The following GOLGA1 variants were observed in gnomAD, a reference collection of about 807,000 sequenced individuals.
GOLGA1 encodes golgin subfamily A member 1.
In GOLGA1, 63 loss-of-function variants were observed where a neutral mutation model predicts 119.7. The ratio of observed to expected loss-of-function variants is 0.53; its 90% confidence interval spans 0.43 to 0.65. The LOEUF (loss-of-function observed/expected upper bound fraction) is 0.65, where lower values mean the gene tolerates loss of function less well. Ranked by LOEUF, GOLGA1 falls within the 30% of genes least tolerant of loss-of-function variation. The pLI is 0.00. For missense variants in GOLGA1, 798 were observed against 912.8 expected, an observed-to-expected ratio of 0.87 and a Z score of 1.62; for synonymous variants, 318 against 333.4, an observed-to-expected ratio of 0.95 and a Z score of 0.50.
intron 3 of GOLGA1, among the ~76,000 whole-genome samples, chr9:124,935,188 G>A (rs1830840514): frequency 6.6e-6 from 1 of 152,168 alleles, no homozygotes; most frequent in African/African-American, 2.4e-5. Context: ...GAAGTGTTTT[G>A]GAGTTTGGAT....
At chr9:124,911,723 A>T (rs1482771759) in intron 11 of GOLGA1, among the ~76,000 whole-genome samples, 178 bp downstream of exon 11, 1 of 152,224 alleles carries the variant, frequency 6.6e-6, no homozygotes, top group African/African-American at 2.4e-5. Flanking sequence ...AAAGCATGTC[A>T]CCCACAGGGG....
upstream of GOLGA1, chr9:124,941,182 C>G (rs1162040369): frequency 3.3e-5 from 5 of 152,444 alleles, no homozygotes; most frequent in Non-Finnish European, 5.9e-5. Flanking sequence ...GCTACTGTTA[C>G]CACCTCTGAG....
At chr9:124,911,243 G>A (rs1830334692) in intron 11 of GOLGA1, among the ~76,000 whole-genome samples, 1 of 152,170 alleles carries the variant, frequency 6.6e-6, no homozygotes, top group African/African-American at 2.4e-5. Context: ...GGCTAGATTT[G>A]CTGGAAACCC....
In GOLGA1 at chr9:124,898,554, G is replaced by C. The variant is rs1219211221; in HGVS notation, c.1402C>G (p.Leu468Val). ...LQNHQFELKK[L>V]KEEWSQREIV... Reference sequence around the variant, plus strand: ...TGATTCAATTAGATAAATACCTTCAGCTTCTTTAGTTCAAATTGGTGATTT... The same window carrying C: ...TGATTCAATTAGATAAATACCTTCACCTTCTTTAGTTCAAATTGGTGATTT... Residue 468 changes from leucine to valine, a missense_variant, in exon 15 of 23, where the codon CTG (leucine) becomes GTG (valine). By Grantham distance (32) the Leu-to-Val change is conservative. Transcript: ENST00000373555. 7 of 1,543,860 alleles carry C rather than the reference G, an allele frequency of 4.5e-6. No individual in the cohort carries two copies. The African/African-American group carries it at 6.8e-5, about 15-fold the overall frequency.
chr9:124,900,205 G>A (rs1340724887), intron 13 of GOLGA1: 4 of 350,032 alleles, frequency 1.1e-5, no homozygotes, highest in African/African-American at 6.4e-5. Flanking sequence ...GGACCAGGCT[G>A]GACCAGAAGG....
At position 124,899,320 on chromosome 9, in the gene GOLGA1, T is replaced by C; in HGVS notation, c.1311+9A>G. On this transcript the variant is annotated intron_variant, in intron 14 of 22. Transcript: ENST00000373555. ...TCCTGGGCCCACCCTCTCTTAGCTC[T>C]TCACTCACCATCCCTTGCTCTGCGG... 6.5e-7 allele frequency: 1 copy of C among 1,542,774 alleles called. No individual in the cohort carries two copies. The highest frequency in any genetic ancestry group is 8.8e-7 in the Non-Finnish European group (1 of 1,141,904).
intron 15 of GOLGA1, 107 bp downstream of exon 15, chr9:124,898,442 C>T (rs1830024717): frequency 2.9e-6 from 2 of 683,404 alleles, no homozygotes; most frequent in Non-Finnish European, 5.1e-6. Context: ...TGAACAAATG[C>T]TAATTCTCCT....
intron 10 of GOLGA1, among the ~76,000 whole-genome samples, chr9:124,913,632 G>C (rs937271525): frequency 1.3e-5 from 2 of 152,156 alleles, no homozygotes; most frequent in African/African-American, 4.8e-5. Context: ...CTGAAGACTA[G>C]ATTTATGACC....
intron 3 of GOLGA1, among the ~76,000 whole-genome samples, chr9:124,937,924 A>G (rs1312533606): frequency 1.3e-5 from 2 of 151,446 alleles, no homozygotes; most frequent in African/African-American, 4.9e-5. Context: ...CTCTACTAAA[A>G]TACAAAAAAT....
chr9:124,905,650 T>C (rs1304522344), intron 12 of GOLGA1, among the ~76,000 whole-genome samples: 1 of 151,988 alleles, frequency 6.6e-6, no homozygotes, highest in Non-Finnish European at 1.5e-5. Flanking sequence ...GTGGGAAGAT[T>C]GGAAGGAGTA....
Position 124,888,429 on chromosome 9 carries a change from G to C in GOLGA1, c.1762-33C>G. ...GTGGCAGCAGCAAATTGAGAGCCAG[G>C]ACAGGTCAGGTGAAGCTGAGCCACA... On this transcript the variant is annotated intron_variant, in intron 18 of 22. Coordinates refer to ENST00000373555, the MANE Select transcript of GOLGA1 (RefSeq NM_002077.4). The surrounding 1 kb of genome is among the most constrained non-coding windows in gnomAD (Gnocchi z 4.4). 1 of 1,609,440 alleles carries C rather than the reference G, an allele frequency of 6.2e-7. No homozygotes were observed. The highest frequency in any genetic ancestry group is 1.3e-5 in the African/African-American group (1 of 74,910).
chr9:124,882,453 G>T, intron 20 of GOLGA1, 57 bp downstream of exon 20: 2 of 1,293,844 alleles, frequency 1.5e-6, no homozygotes, highest in Non-Finnish European at 2.2e-6. Context: ...GGAGGACCGG[G>T]CACAGGCAGC....
At chr9:124,937,000 A>T (rs1471663078) in intron 3 of GOLGA1, among the ~76,000 whole-genome samples, 1 of 152,210 alleles carries the variant, frequency 6.6e-6, no homozygotes, top group Non-Finnish European at 1.5e-5. Flanking sequence ...TGCTATCCTA[A>T]ATTGGGTAGA....
chr9:124,911,637 C>T (rs972434093), intron 11 of GOLGA1, among the ~76,000 whole-genome samples: 1 of 152,220 alleles, frequency 6.6e-6, no homozygotes, highest in African/African-American at 2.4e-5. Context: ...GCGGAAATCA[C>T]TAGGTGTGGT....
intron 15 of GOLGA1, among the ~76,000 whole-genome samples, chr9:124,898,026 G>C (rs1316852289): frequency 6.6e-6 from 1 of 152,176 alleles, no homozygotes; most frequent in Admixed American, 6.5e-5. Context: ...AATGAAAGAG[G>C]CATCCTCTGA....
chr9:124,912,740 C>T (rs929556184), intron 10 of GOLGA1, among the ~76,000 whole-genome samples: 3 of 152,156 alleles, frequency 2.0e-5, no homozygotes, highest in African/African-American at 7.2e-5. Flanking sequence ...GACGGGGTTT[C>T]ACCATATTGG....
chr9:124,890,541 G>C (rs1352400555), intron 15 of GOLGA1, 63 bp from the exon 16 acceptor site: 4 of 1,211,500 alleles, frequency 3.3e-6, no homozygotes, highest in Admixed American at 3.4e-5. Context: ...TGTATGCCAC[G>C]CAAGAAGCCC....
intron 11 of GOLGA1, among the ~76,000 whole-genome samples, chr9:124,910,770 G>C (rs1456598975): frequency 1.3e-5 from 2 of 152,108 alleles, no homozygotes; most frequent in Non-Finnish European, 2.9e-5. Context: ...TTTCATAGGA[G>C]CATGAACCCT....
rs1455366432 is a variant in GOLGA1 at position 124,879,495 on chromosome 9, C to T, written c.*1035G>A. ...AGGCAGACTGCCCCAGTGTCTCCAT[C>T]GAGGCTGGGGGACAGCTGCTGCCCC... On this transcript the variant is annotated 3_prime_UTR_variant, in exon 23 of 23. Coordinates refer to ENST00000373555, the MANE Select transcript of GOLGA1 (RefSeq NM_002077.4). 2.6e-5 allele frequency: 4 copies of T among 151,888 alleles called. No homozygotes were observed. Among genetic ancestry groups the T allele is most frequent in the East Asian group, 1.9e-4 (1 of 5,190 alleles). 9.4% of individuals were successfully genotyped at this position (151,888 alleles called of 1,614,324 possible). A position where few individuals can be genotyped will look rare whatever the true frequency, so the allele number is the denominator to read the frequency against.
Sources: allele counts gnomAD v4.1 joint callset (sites outside exome capture counted in the v4.1 genomes callset), GRCh38; gene constraint gnomAD v4.1.1; non-coding constraint Gnocchi (gnomAD v3.1); transcripts MANE v1.5; gene names NCBI Gene and HGNC (gene_info 2026-07-23, HGNC 2026-07-21).